The following NXPH1 variants were observed in gnomAD, a reference collection of about 807,000 sequenced individuals.
NXPH1 encodes the protein neurexophilin 1.
NXPH1 carries 5 observed loss-of-function variants against 23.7 expected under a neutral mutation model. The observed-to-expected ratio is 0.21, with a 90% CI of 0.11 to 0.44. NXPH1 has a LOEUF of 0.44. NXPH1 is among the 20% of genes least tolerant of loss of function. The probability of loss-of-function intolerance (pLI) is 0.99; values close to 1 mark genes in which losing one functional copy is unlikely to be tolerated. For missense variants in NXPH1, 324 were observed against 321.6 expected (o/e 1.01, Z -0.06); for synonymous variants, 144 against 122.2 (o/e 1.18, Z -1.18).
At chr7:8,553,010 T>G (rs148750621) in intron 2 of NXPH1, among the ~76,000 whole-genome samples, 85 of 151,634 alleles carry the variant, frequency 5.6e-4, no homozygotes, top group African/African-American at 1.9e-3. Flanking sequence ...CCACAAAATC[T>G]AAGAAGGAAG....
chr7:8,447,739 C>T (rs915904128), intron 2 of NXPH1, among the ~76,000 whole-genome samples: 4 of 152,200 alleles, frequency 2.6e-5, no homozygotes, highest in African/African-American at 7.2e-5. Flanking sequence ...AAATTCTTCA[C>T]AATTAGGGTG....
intron 2 of NXPH1, among the ~76,000 whole-genome samples, chr7:8,590,555 C>A (rs1819071687): frequency 6.6e-6 from 1 of 152,030 alleles, no homozygotes; most frequent in South Asian, 2.1e-4. Flanking sequence ...GGTTTAAGAT[C>A]CTGAAACTAA....
At chr7:8,714,216 C>A (rs1280622312) in intron 2 of NXPH1, among the ~76,000 whole-genome samples, 2 of 152,108 alleles carry the variant, frequency 1.3e-5, no homozygotes, top group African/African-American at 4.8e-5. Context: ...GTGTCCATCA[C>A]CACCATAGGC....
At chr7:8,470,348 T>C (rs113327075) in intron 2 of NXPH1, among the ~76,000 whole-genome samples, 21 of 152,282 alleles carry the variant, frequency 1.4e-4, no homozygotes, top group African/African-American at 4.8e-4. Context: ...GTTTTTGATA[T>C]GTGGTCAAGA....
intron 2 of NXPH1, among the ~76,000 whole-genome samples, chr7:8,483,727 G>A (rs1817111921): frequency 6.6e-6 from 1 of 152,170 alleles, no homozygotes; most frequent in Non-Finnish European, 1.5e-5. Context: ...TCTTCTGAAA[G>A]TGTCCCAGAA....
chr7:8,554,658 A>G (rs1328496263), intron 2 of NXPH1, among the ~76,000 whole-genome samples: 1 of 151,694 alleles, frequency 6.6e-6, no homozygotes, highest in African/African-American at 2.4e-5. Flanking sequence ...TACCTGTCTT[A>G]AAACCTGTGT....
At chr7:8,643,595 T>A (rs1350273456) in intron 2 of NXPH1, among the ~76,000 whole-genome samples, 1 of 152,144 alleles carries the variant, frequency 6.6e-6, no homozygotes. Flanking sequence ...TAATACATGT[T>A]CAGGTTTTAT....
At chr7:8,730,875 T>G (rs1780140880) in intron 2 of NXPH1, among the ~76,000 whole-genome samples, 1 of 151,334 alleles carries the variant, frequency 6.6e-6, no homozygotes, top group Admixed American at 6.6e-5. Flanking sequence ...TTCCTGAATC[T>G]GAACGTTGGC....
At chr7:8,659,495 C>T (rs1206625950) in intron 2 of NXPH1, among the ~76,000 whole-genome samples, 1 of 152,140 alleles carries the variant, frequency 6.6e-6, no homozygotes, top group African/African-American at 2.4e-5. Flanking sequence ...GAAAACCAAA[C>T]ACTGCATGTT....
intron 2 of NXPH1, among the ~76,000 whole-genome samples, chr7:8,651,898 G>A (rs993385906): frequency 3.3e-5 from 5 of 152,096 alleles, no homozygotes; most frequent in Non-Finnish European, 4.4e-5. Context: ...TAATTTTCGA[G>A]AACAAGTATA....
intron 2 of NXPH1, among the ~76,000 whole-genome samples, chr7:8,624,767 A>G (rs190767046): frequency 6.6e-6 from 1 of 152,294 alleles, no homozygotes; most frequent in Admixed American, 6.5e-5. Flanking sequence ...TTAAACTCAG[A>G]CTAAAGGTTT....
At chr7:8,533,238 C>G (rs1341380315) in intron 2 of NXPH1, among the ~76,000 whole-genome samples, 1 of 151,944 alleles carries the variant, frequency 6.6e-6, no homozygotes, top group South Asian at 2.1e-4. Context: ...ATCTTTTTTT[C>G]TTCTAGCTTT....
At chr7:8,600,291 T>C (rs767165057) in intron 2 of NXPH1, among the ~76,000 whole-genome samples, 5 of 152,130 alleles carry the variant, frequency 3.3e-5, no homozygotes, top group African/African-American at 1.2e-4. Context: ...AAAAGCTAAT[T>C]TGGAAACCTG....
chr7:8,503,282 A>T (rs901909970), intron 2 of NXPH1, among the ~76,000 whole-genome samples: 3 of 152,050 alleles, frequency 2.0e-5, no homozygotes, highest in African/African-American at 7.2e-5. Context: ...CAACTTGCAC[A>T]AGGAAGGTCA....
chr7:8,546,092 G>A (rs1360669175), intron 2 of NXPH1, among the ~76,000 whole-genome samples: 1 of 151,438 alleles, frequency 6.6e-6, no homozygotes, highest in Non-Finnish European at 1.5e-5. Flanking sequence ...CTCTTAGTGT[G>A]TAAAGCTGAA....
At chr7:8,695,809 G>T (rs1488736712) in intron 2 of NXPH1, among the ~76,000 whole-genome samples, 3 of 152,132 alleles carry the variant, frequency 2.0e-5, no homozygotes, top group African/African-American at 2.4e-5. Context: ...AGGAAGCTTT[G>T]CTTACCCTCT....
chr7:8,578,143 G>T (rs1228140550), intron 2 of NXPH1, among the ~76,000 whole-genome samples: 4 of 152,168 alleles, frequency 2.6e-5, no homozygotes, highest in Non-Finnish European at 5.9e-5. Context: ...CTCCAACACT[G>T]GTTCCTACCT....
Position 8,594,311 on chromosome 7 carries a change from C to T in NXPH1, c.55-156697C>T, listed in dbSNP as rs374004592. ...ACCTTGGGTAGAAACATGAAAGGGC[C>T]GTTTTGAAGTTTCACATATTTCAGA... On this transcript the variant is annotated intron_variant, in intron 2 of 2. Transcript: ENST00000405863. 3.3e-4 allele frequency among the ~76,000 whole-genome samples: 50 copies of T among 152,094 alleles called. 1 individual carries two copies. Among genetic ancestry groups the T allele is most frequent in the African/African-American group, 1.1e-3 (45 of 41,518 alleles).
intron 2 of NXPH1, among the ~76,000 whole-genome samples, chr7:8,495,563 T>A (rs1321744989): frequency 2.0e-5 from 3 of 151,760 alleles, no homozygotes; most frequent in South Asian, 2.1e-4. Context: ...TTTTCTAGCA[T>A]TTTTTTTCAT....
Sources: gnomAD v4.1 joint callset for allele counts (sites outside exome capture counted in the v4.1 genomes callset) on GRCh38, gnomAD v4.1.1 for gene constraint, MANE v1.5 for transcripts, NCBI Gene and HGNC (gene_info 2026-07-23, HGNC 2026-07-21) for gene names.